The following DENND4A variants were observed in gnomAD, a reference collection of about 807,000 sequenced individuals.
DENND4A encodes C-myc promoter-binding protein.
A neutral mutation model predicts 199.3 loss-of-function variants in DENND4A; 70 were observed. The observed-to-expected ratio is 0.35, with a 90% confidence interval of 0.29 to 0.43. The LOEUF is 0.43. Among genes scored for constraint, DENND4A ranks in the 20% least tolerant of loss-of-function variants. The pLI, the probability that DENND4A is intolerant of heterozygous loss-of-function variation, is 1.00. For synonymous variants in DENND4A, 686 were observed against 766.9 expected, an observed-to-expected ratio of 0.89 and a Z score of 1.74; for missense variants, 1,723 against 2,255.8, an observed-to-expected ratio of 0.76 and a Z score of 4.78.
At chr15:65,739,727 A>G (rs565195766) in intron 5 of DENND4A, among the ~76,000 whole-genome samples, 1 of 152,330 alleles carries the variant, frequency 6.6e-6, no homozygotes, top group East Asian at 1.9e-4. Flanking sequence ...CTCATCTATA[A>G]AATCAGATGA....
chr15:65,790,986 G>A (rs1159294819), intron 1 of DENND4A, among the ~76,000 whole-genome samples: 1 of 152,142 alleles, frequency 6.6e-6, no homozygotes, highest in Non-Finnish European at 1.5e-5. Context: ...AATAGAAGGA[G>A]ACTATATACA....
chr15:65,767,222 G>A (rs924018619), intron 1 of DENND4A: 1 of 152,196 alleles, frequency 6.6e-6, no homozygotes, highest in African/African-American at 2.4e-5. Flanking sequence ...AAGGTCCTTA[G>A]AGATATTGTT....
chr15:65,661,867 C>A lies in DENND4A; in HGVS notation c.5708G>T (p.Gly1903Val), dbSNP rs1384676732. ...AAATACATCTTAAAGATAAGGTTCTCCAAAGGTTTTTCGACATTCCATCAC... is the reference window on the plus strand; with the variant it reads ...AAATACATCTTAAAGATAAGGTTCTACAAAGGTTTTTCGACATTCCATCAC... Reference protein sequence around the residue: ...TGVMECRKTFGEPYL With the variant: ...TGVMECRKTFVEPYL Residue 1903 changes from glycine (G) to valine (V), a missense_variant, in exon 33 of 33, where the codon GGA (glycine) becomes GTA (valine). Physicochemically the swap from Gly to Val is moderately radical, Grantham distance 109. Transcript: ENST00000443035. 1 of 1,609,046 alleles carries A rather than the reference C, an allele frequency of 6.2e-7. No homozygotes were observed. Among genetic ancestry groups the A allele is most frequent in the South Asian group, 1.1e-5 (1 of 90,046 alleles).
chr15:65,679,485 C>T (rs895180532), intron 23 of DENND4A, among the ~76,000 whole-genome samples: 10 of 152,056 alleles, frequency 6.6e-5, no homozygotes, highest in African/African-American at 1.9e-4. Context: ...ATCAAGTTAA[C>T]TAAATGTTCT....
intron 2 of DENND4A, among the ~76,000 whole-genome samples, chr15:65,758,719 C>A (rs1412549600): frequency 1.3e-5 from 2 of 152,148 alleles, no homozygotes; most frequent in African/African-American, 2.4e-5. Context: ...GAGTTTGTTT[C>A]ATGTTAGACA....
At chr15:65,703,034 CAA>C (rs754006428) in intron 15 of DENND4A, 26 bp from the exon 16 acceptor site, 31 of 1,599,280 alleles carry the variant, frequency 1.9e-5, no homozygotes, top group Non-Finnish European at 2.5e-5. Flanking sequence ...CAAAACAAAA[CAA>C]AAAAGAGTTC....
Position 65,691,442 on chromosome 15 carries a change from C to T in DENND4A, c.3152G>A (p.Arg1051Lys), listed in dbSNP as rs1043071389. The T allele has an allele frequency of 3.1e-6, 5 of 1,613,226 alleles. No individual in the cohort carries two copies. Among genetic ancestry groups the T allele is most frequent in the African/African-American group, 1.3e-5 (1 of 75,028 alleles). ...ACTTTTATGTCTTTTCCTGAAGCAT[C>T]TACTTTGAATGTTTCGTGTTTCATT... ...DTNETRNIQSRCFRKRHKSDN... is the reference protein window; with the variant it reads ...DTNETRNIQSKCFRKRHKSDN... The change falls in exon 23 of 33, where the codon AGA becomes AAA. Residue 1051 changes from arginine to lysine, a missense_variant. Arg to Lys is a conservative substitution (Grantham distance 26). Transcript: ENST00000443035.
chr15:65,753,870 T>C (rs1181716488), intron 3 of DENND4A: 1 of 151,266 alleles, frequency 6.6e-6, no homozygotes, highest in Non-Finnish European at 1.5e-5. Flanking sequence ...GTTTCGCTTT[T>C]GTTGCCCAGG....
intron 3 of DENND4A, among the ~76,000 whole-genome samples, chr15:65,753,539 A>G (rs565242999): frequency 5.3e-5 from 8 of 152,144 alleles, no homozygotes; most frequent in African/African-American, 1.9e-4. Flanking sequence ...TTGTATTTTT[A>G]GTAGAGACAA....
Position 65,701,750 on chromosome 15 carries a change from C to T in DENND4A, c.2559+12G>A, listed in dbSNP as rs766033970. On this transcript the variant is annotated intron_variant, in intron 18 of 32. Coordinates refer to ENST00000443035, the MANE Select transcript of DENND4A (RefSeq NM_001320835.1). ...AAGTAATACTCTTTATCCATTAAAC[C>T]AAGGTATTTACCTTATTATAATAAC... is the stretch of plus-strand genomic sequence containing the variant. The T allele has an allele frequency of 6.2e-7, 1 of 1,611,856 alleles. No homozygotes were observed. Among genetic ancestry groups the T allele is most frequent in the East Asian group, 2.2e-5 (1 of 44,840 alleles).
In DENND4A at chr15:65,752,479, T is replaced by C. The variant is rs1476660234; in HGVS notation, c.461A>G (p.Asn154Ser). 3.7e-6 allele frequency: 6 copies of C among 1,613,712 alleles called. No individual in the cohort carries two copies. Among genetic ancestry groups the C allele is most frequent in the Non-Finnish European group, 5.1e-6 (6 of 1,179,812 alleles). Reference protein sequence around the residue: ...YRRASENMTQNTLAVTDICII... With the variant: ...YRRASENMTQSTLAVTDICII... Reference sequence around the variant, plus strand: ...ACATATGTCAGTGACAGCCAACGTATTCTGAGTCATGTTTTCAGAGGCTCT... The same window carrying C: ...ACATATGTCAGTGACAGCCAACGTACTCTGAGTCATGTTTTCAGAGGCTCT... The change falls in exon 4 of 33, where the codon AAT becomes AGT. Residue 154 changes from asparagine to serine, a missense_variant. By Grantham distance (46) the Asn-to-Ser change is conservative. Coordinates refer to ENST00000443035, the MANE Select transcript of DENND4A (RefSeq NM_001320835.1).
At chr15:65,789,082 A>G (rs1306377660) in intron 1 of DENND4A, among the ~76,000 whole-genome samples, 1 of 152,168 alleles carries the variant, frequency 6.6e-6, no homozygotes, top group Non-Finnish European at 1.5e-5. Flanking sequence ...AATGATTTTT[A>G]GAAGTTGTAT....
At chr15:65,737,373 T>C (rs578019240) in intron 7 of DENND4A, among the ~76,000 whole-genome samples, 14 of 152,054 alleles carry the variant, frequency 9.2e-5, no homozygotes, top group Non-Finnish European at 1.8e-4. Context: ...TAAGAAATAT[T>C]TGTAAAGGTT....
intron 1 of DENND4A, among the ~76,000 whole-genome samples, chr15:65,788,540 C>A (rs766099993): frequency 1.2e-4 from 19 of 152,078 alleles, no homozygotes; most frequent in Non-Finnish European, 2.2e-4. Context: ...TCTCCTATGA[C>A]CCTTGAAAAT....
At position 65,727,179 on chromosome 15, in the gene DENND4A, G is replaced by A. The variant is rs374046261; in HGVS notation, c.1487+1893C>T. On this transcript the variant is annotated intron_variant, in intron 11 of 32. Transcript: ENST00000443035. ...AAAAATTAGCCAGGCATGACCGGGC[G>A]CGGTGGCTCACACCTATAATCTCAG... is the stretch of plus-strand genomic sequence containing the variant. 7.2e-5 allele frequency among the ~76,000 whole-genome samples: 11 copies of A among 151,820 alleles called. No individual in the cohort carries two copies. The East Asian group carries it at 9.7e-4, about 13-fold the overall frequency.
At chr15:65,745,041 CACTT>C (rs1289752695) in intron 4 of DENND4A, among the ~76,000 whole-genome samples, 3 of 152,274 alleles carry the variant, frequency 2.0e-5, no homozygotes, top group African/African-American at 4.8e-5. Flanking sequence ...AGTTCACACT[CACTT>C]AATCAAGTTC....
intron 21 of DENND4A, chr15:65,696,812 C>T (rs2077160725): frequency 3.9e-6 from 1 of 253,178 alleles, no homozygotes; most frequent in Non-Finnish European, 7.9e-6. Context: ...ATTAAACAAA[C>T]TTTTTTTTTT....
At chr15:65,724,821 A>T (rs2075755754) in intron 11 of DENND4A, among the ~76,000 whole-genome samples, 1 of 152,196 alleles carries the variant, frequency 6.6e-6, no homozygotes, top group Admixed American at 6.5e-5. Flanking sequence ...TCTTGATGAA[A>T]CTCAGTAACA....
chr15:65,702,908 T>A lies in DENND4A; in HGVS notation c.2188A>T (p.Asn730Tyr). The A allele has an allele frequency of 1.2e-6, 2 of 1,613,364 alleles. No homozygotes were observed. Among genetic ancestry groups the A allele is most frequent in the Non-Finnish European group, 8.5e-7 (1 of 1,179,540 alleles). Residue 730 changes from asparagine to tyrosine, a missense_variant, in exon 16 of 33, where the codon AAT (asparagine) becomes TAT (tyrosine). Physicochemically the swap from Asn to Tyr is moderately radical, Grantham distance 143. Around this residue, in one of 6 missense-constraint regions of DENND4A, gnomAD observed 725 missense variants for 952.9 expected, o/e 0.76. Coordinates refer to ENST00000443035, the MANE Select transcript of DENND4A (RefSeq NM_001320835.1). ...NKLPSKSSSP[N>Y]SPLPMFRRTK... ...CTTCTGAACATGGGCAAAGGGCTAT[T>A]AGGACTACTTGATTTTGAAGGCAAT...
Sources: gnomAD v4.1 joint callset for allele counts (sites outside exome capture counted in the v4.1 genomes callset) on GRCh38, gnomAD v4.1.1 for gene constraint, gnomAD v4.1.1 regional missense constraint, MANE v1.5 for transcripts, NCBI Gene and HGNC (gene_info 2026-07-23, HGNC 2026-07-21) for gene names.